The following TRPV3 variants were observed in gnomAD, a reference collection of about 807,000 sequenced individuals.
TRPV3 encodes the protein transient receptor potential cation channel subfamily V member 3.
Under a neutral mutation model 87.1 loss-of-function variants are expected in TRPV3, and 88 were observed. That is an observed-to-expected ratio of 1.01 (90% CI 0.85 to 1.21). The LOEUF is 1.21. TRPV3 is among the 50% of genes most tolerant of loss of function. The probability of loss-of-function intolerance (pLI) is 0.00; values close to 1 mark genes in which losing one functional copy is unlikely to be tolerated. For synonymous variants in TRPV3, 438 were observed against 423.3 expected, an observed-to-expected ratio of 1.03 and a Z score of -0.43; for missense variants, 1,054 against 1,030.1, an observed-to-expected ratio of 1.02 and a Z score of -0.32.
chr17:3,540,344 T>C (rs924619878), intron 6 of TRPV3, among the ~76,000 whole-genome samples: 1 of 152,080 alleles, frequency 6.6e-6, no homozygotes, highest in Non-Finnish European at 1.5e-5. Flanking sequence ...GTGGTGGGGT[T>C]GGTTTCCAGG....
At position 3,532,950 on chromosome 17, in the gene TRPV3, C is replaced by G. The variant is rs753150018; in HGVS notation, c.785-13G>C. 1.2e-6 allele frequency: 2 copies of G among 1,611,876 alleles called. No individual in the cohort carries two copies. Among genetic ancestry groups the G allele is most frequent in the Non-Finnish European group, 1.7e-6 (2 of 1,178,968 alleles). Reference sequence around the variant, plus strand: ...AGGGGCGTCTCACCTGGGGGATGAGCGCACTGAAGCTTGGTTCTCTCATGG... The same window carrying G: ...AGGGGCGTCTCACCTGGGGGATGAGGGCACTGAAGCTTGGTTCTCTCATGG... On this transcript the variant is annotated splice_polypyrimidine_tract_variant and intron_variant, in intron 7 of 17. Coordinates refer to ENST00000576742, the MANE Select transcript of TRPV3 (RefSeq NM_145068.4).
At chr17:3,526,215 C>A (rs1567634390) in intron 12 of TRPV3, among the ~76,000 whole-genome samples, 1 of 152,168 alleles carries the variant, frequency 6.6e-6, no homozygotes. Flanking sequence ...CAGGAGCTCA[C>A]ACCTGGAATC....
intron 6 of TRPV3, among the ~76,000 whole-genome samples, chr17:3,536,705 GA>G (rs1304245842): frequency 2.0e-5 from 3 of 152,188 alleles, no homozygotes; most frequent in Non-Finnish European, 4.4e-5. Flanking sequence ...GAGCCTTCAG[GA>G]TGCCCGGCTG....
chr17:3,524,308 T>G lies in TRPV3; in HGVS notation c.1633A>C (p.Lys545Gln), dbSNP rs753470841. The change falls in exon 13 of 18, where the codon AAA (lysine) becomes CAA (glutamine). Residue 545 changes from lysine (K) to glutamine (Q), a missense_variant. Physicochemically the swap from Lys to Gln is moderately conservative, Grantham distance 53 (BLOSUM62 1). Transcript: ENST00000576742. Reference sequence around the variant, plus strand: ...AGCACGAGGCAGGCGAGGTACTCTTTGTAGGCAAACAAGTACAAGAAGACA... The same window carrying G: ...AGCACGAGGCAGGCGAGGTACTCTTGGTAGGCAAACAAGTACAAGAAGACA... ...LSVFLYLFAY[K>Q]EYLACLVLAM... 1 of 1,614,108 alleles carries G rather than the reference T, an allele frequency of 6.2e-7. No homozygotes were observed. The highest frequency in any genetic ancestry group is 8.5e-7 in the Non-Finnish European group (1 of 1,180,044).
rs377010271 is a variant in TRPV3 at position 3,530,127 on chromosome 17, G to A, written c.1142C>T (p.Ala381Val). 14 of 1,614,002 alleles carry A rather than the reference G, an allele frequency of 8.7e-6. No homozygotes were observed. The East Asian group carries it at 2.0e-4, about 23-fold the overall frequency. Residue 381 changes from alanine (A) to valine (V), a missense_variant, in exon 9 of 18, where the codon GCG becomes GTG. Physicochemically the swap from Ala to Val is moderately conservative, Grantham distance 64. Transcript: ENST00000576742. The surrounding 1 kb of genome is among the most constrained non-coding windows in gnomAD (Gnocchi z 4.0). Reference protein sequence around the residue: ...RSLSRKFTDWAYGPVSSSLYD... With the variant: ...RSLSRKFTDWVYGPVSSSLYD... The stretch of plus-strand genomic sequence containing the variant: ...GAGGGAGGATGACACGGGTCCGTAC[G>A]CCCAGTCGGTGAACTTCCTGGACAG...
rs771623600 is a variant in TRPV3, at chr17:3,535,670, G to A, written c.687C>T (p.Asp229=). Residue 229 remains aspartate (D), a synonymous_variant, in exon 7 of 18, where the codon GAC becomes GAT. Transcript: ENST00000576742. ...LNIAIERRQG[D]IAALLIAAGA... is the part of the protein sequence containing the mutation. ...CGGCGGCGATGAGCAGGGCTGCGAT[G>A]TCCCCCTGCCGCCGCTCGATGGCGA... is the stretch of plus-strand genomic sequence containing the variant. The A allele has an allele frequency of 2.5e-6, 4 of 1,596,334 alleles. No individual in the cohort carries two copies. The African/African-American group carries it at 4.1e-5, about 16-fold the overall frequency.
intron 14 of TRPV3, 26 bp downstream of exon 14, chr17:3,520,947 G>T: frequency 4.1e-6 from 6 of 1,469,226 alleles, no homozygotes; most frequent in Non-Finnish European, 5.7e-6. Context: ...AAATGTGGGA[G>T]TTACTATTAT....
At position 3,513,060 on chromosome 17, in the gene TRPV3, G is replaced by A. The variant is rs2074135286; in HGVS notation, c.*857C>T. On this transcript the variant is annotated 3_prime_UTR_variant, in exon 18 of 18. Transcript: ENST00000576742. ...CGGCCCAGCAGGACTTGCCCGGAGT[G>A]TCTCATGCAGACTTTTGTGTGTGTG... 1 of 152,458 alleles carries A rather than the reference G, an allele frequency of 6.6e-6. No individual in the cohort carries two copies. Among genetic ancestry groups the A allele is most frequent in the Non-Finnish European group, 1.5e-5 (1 of 68,116 alleles). The allele number at this position is 152,458 out of a possible 1,614,324, so 9.4% of individuals were successfully genotyped here.
At chr17:3,555,649 G>A (rs2074621548) in intron 1 of TRPV3, among the ~76,000 whole-genome samples, 4 of 152,150 alleles carry the variant, frequency 2.6e-5, no homozygotes, top group Non-Finnish European at 5.9e-5. Context: ...TCCGAGGGGT[G>A]TGGGGATTGG....
intron 4 of TRPV3, among the ~76,000 whole-genome samples, chr17:3,544,142 G>A (rs2074497029): frequency 6.6e-6 from 1 of 152,230 alleles, no homozygotes; most frequent in African/African-American, 2.4e-5. Context: ...CTCAGTAGCT[G>A]GGATTACAGG....
At position 3,547,627 on chromosome 17, in the gene TRPV3, A is replaced by C. The variant is rs548887192; in HGVS notation, c.120-2356T>G. ...CAGAGGGAGACTCCTCTAGAAAAAA[A>C]ATGGCTGATCTAGAGCAGGGAGGAC... On this transcript the variant is annotated intron_variant, in intron 2 of 17. Coordinates refer to ENST00000576742, the MANE Select transcript of TRPV3 (RefSeq NM_145068.4). Among the ~76,000 whole-genome samples the C allele has an allele frequency of 2.4e-3, 360 of 152,222 alleles. 1 individual carries two copies. The highest frequency in any genetic ancestry group is 8.4e-3 in the African/African-American group (348 of 41,524).
intron 6 of TRPV3, among the ~76,000 whole-genome samples, chr17:3,537,842 A>T (rs1327353459): frequency 1.4e-5 from 2 of 147,710 alleles, no homozygotes; most frequent in Non-Finnish European, 3.0e-5. Context: ...GGAGGCAGAG[A>T]TCGCGCCACT....
At chr17:3,534,307 C>T (rs1009097126) in intron 7 of TRPV3, among the ~76,000 whole-genome samples, 3 of 151,960 alleles carry the variant, frequency 2.0e-5, no homozygotes, top group East Asian at 1.9e-4. Flanking sequence ...GCATGAGAAT[C>T]GCTTGAACCC....
At chr17:3,551,508 A>G (rs1279692810) in intron 2 of TRPV3, among the ~76,000 whole-genome samples, 2 of 152,134 alleles carry the variant, frequency 1.3e-5, no homozygotes, top group Non-Finnish European at 2.9e-5. Context: ...GCTCTATACC[A>G]TTTCTACTGC....
rs1216700942 is a variant in TRPV3 at position 3,543,638 on chromosome 17, G to A, written c.312-10C>T. ...CTTGGCCAGCTGTGCACTGAAGCCA[G>A]AAAATGTTTCCAACTCAACACACAC... On this transcript the variant is annotated splice_polypyrimidine_tract_variant and intron_variant, in intron 4 of 17. Transcript: ENST00000576742. 3.1e-6 allele frequency: 5 copies of A among 1,613,606 alleles called. No homozygotes were observed. Among genetic ancestry groups the A allele is most frequent in the Non-Finnish European group, 4.2e-6 (5 of 1,179,834 alleles).
chr17:3,531,082 A>C (rs1427180991), intron 8 of TRPV3, among the ~76,000 whole-genome samples: 4 of 148,988 alleles, frequency 2.7e-5, no homozygotes, highest in East Asian at 2.0e-4. Context: ...AAACAAACAA[A>C]CAAAAAAACC....
intron 6 of TRPV3, 63 bp from the exon 7 acceptor site, chr17:3,535,776 C>G (rs1284189834): frequency 5.0e-6 from 7 of 1,399,382 alleles, no homozygotes; most frequent in Non-Finnish European, 6.5e-6. Flanking sequence ...CTTGCCCACC[C>G]GCTCTGGCCT....
At chr17:3,554,416 G>A (rs765472628) in intron 2 of TRPV3, 9 of 263,924 alleles carry the variant, frequency 3.4e-5, no homozygotes, top group East Asian at 1.4e-4. Context: ...TTTGCTCCTC[G>A]TCTCAAGGGT....
In TRPV3 at chr17:3,556,002, C is replaced by A. The variant is rs2074627520; in HGVS notation, c.-2-1150G>T. Among the ~76,000 whole-genome samples the A allele has an allele frequency of 6.6e-6, 1 of 151,990 alleles. No homozygotes were observed. The highest frequency in any genetic ancestry group is 6.6e-5 in the Admixed American group (1 of 15,264). On this transcript the variant is annotated intron_variant, in intron 1 of 17. Coordinates refer to ENST00000576742, the MANE Select transcript of TRPV3 (RefSeq NM_145068.4). The surrounding 1 kb of genome is among the most constrained non-coding windows in gnomAD (Gnocchi z 4.2). Reference sequence around the variant, plus strand: ...GACCAGCCTGGGCAACATGGTGAAACCCCGTCTCTACTAAAATACAAAAAA... The same window carrying A: ...GACCAGCCTGGGCAACATGGTGAAAACCCGTCTCTACTAAAATACAAAAAA...
Sources: allele counts gnomAD v4.1 joint callset (sites outside exome capture counted in the v4.1 genomes callset), GRCh38; gene constraint gnomAD v4.1.1; non-coding constraint Gnocchi (gnomAD v3.1); transcripts MANE v1.5; gene names NCBI Gene and HGNC (gene_info 2026-07-23, HGNC 2026-07-21).